GTF2F2: variants seen among roughly 807,000 people sequenced by gnomAD.
The protein encoded by GTF2F2 is ATP-dependent helicase GTF2F2.
In GTF2F2, 23 loss-of-function variants were observed where a neutral mutation model predicts 42.2. That is an observed-to-expected ratio of 0.55 (90% CI 0.39 to 0.77). GTF2F2 has a LOEUF of 0.77. Among genes scored for constraint, GTF2F2 ranks in the 30% least tolerant of loss-of-function variants. GTF2F2 has a pLI of 0.00. For missense variants in GTF2F2, 261 were observed against 287.2 expected (o/e 0.91, Z 0.66); for synonymous variants, 105 against 100.8 (o/e 1.04, Z -0.25).
chr13:45,245,976 T>C (rs1369041851), intron 5 of GTF2F2, among the ~76,000 whole-genome samples: 1 of 146,636 alleles, frequency 6.8e-6, no homozygotes, highest in African/African-American at 2.5e-5. Context: ...TTTCACCACA[T>C]CCACGCCAAC....
chr13:45,212,195 A>C (rs1441350809), intron 5 of GTF2F2, among the ~76,000 whole-genome samples: 1 of 152,216 alleles, frequency 6.6e-6, no homozygotes, highest in Non-Finnish European at 1.5e-5. Context: ...GATTTTTCAT[A>C]AACATGCTCA....
At chr13:45,169,298 G>A (rs1473502896) in intron 4 of GTF2F2, among the ~76,000 whole-genome samples, 5 of 152,148 alleles carry the variant, frequency 3.3e-5, no homozygotes, top group Non-Finnish European at 7.3e-5. Context: ...AGGAAATTTG[G>A]ACACTCAGGA....
chr13:45,183,502 G>A (rs1448441086), intron 4 of GTF2F2, among the ~76,000 whole-genome samples: 3 of 152,110 alleles, frequency 2.0e-5, no homozygotes, highest in Non-Finnish European at 4.4e-5. Context: ...TTAATTCTTT[G>A]CAGGAGCATA....
chr13:45,127,093 G>T (rs918955029), intron 1 of GTF2F2, among the ~76,000 whole-genome samples: 1 of 152,088 alleles, frequency 6.6e-6, no homozygotes, highest in African/African-American at 2.4e-5. Flanking sequence ...TAATAGGCCG[G>T]GACTTCTGGG....
rs748355143 is a variant in GTF2F2 at position 45,272,922 on chromosome 13, A to ATTT, written c.630+5566_630+5568dup. Among the ~76,000 whole-genome samples, 325 of 96,300 alleles carry ATTT rather than the reference A, an allele frequency of 3.4e-3. 20 individuals carry two copies. The highest frequency in any genetic ancestry group is 0.015 in the African/African-American group (289 of 19,752). The allele number at this position is 96,300 out of a possible 152,430, so 63.2% of individuals were successfully genotyped here. A position where few individuals can be genotyped will look rare whatever the true frequency, so the allele number is the denominator to read the frequency against. ...AGGCATGCCCCACCACACCTGGCTA[A>ATTT]TTTTTTTTTTTTTTTTTTTTTTGAG... On this transcript the variant is annotated intron_variant, in intron 7 of 7. Transcript: ENST00000340473.
At chr13:45,168,538 T>C (rs192815336) in intron 4 of GTF2F2, among the ~76,000 whole-genome samples, 4 of 152,358 alleles carry the variant, frequency 2.6e-5, no homozygotes, top group Admixed American at 2.0e-4. Context: ...TCTACACTAA[T>C]CATTTTATAG....
At chr13:45,240,975 CAAAAAAA>C (rs1210038157) in intron 5 of GTF2F2, among the ~76,000 whole-genome samples, 1 of 106,474 alleles carries the variant, frequency 9.4e-6, no homozygotes, top group Non-Finnish European at 2.0e-5. Context: ...CCTGTTATTA[CAAAAAAA>C]AAAAAAAAAA....
At chr13:45,227,077 G>A (rs928215204) in intron 5 of GTF2F2, among the ~76,000 whole-genome samples, 1 of 152,166 alleles carries the variant, frequency 6.6e-6, no homozygotes, top group Non-Finnish European at 1.5e-5. Flanking sequence ...TCCAGCCTGG[G>A]CAACAGAGTG....
In GTF2F2 at chr13:45,228,431, C is replaced by T. The variant is rs1874483356; in HGVS notation, c.386+20926C>T. On this transcript the variant is annotated intron_variant, in intron 5 of 7. Transcript: ENST00000340473. Reference sequence around the variant, plus strand: ...TCTATCTTGCCCACCCCTCCAGTAGCTTGTAGCTTTTTCCTTTTCATTTCT... The same window carrying T: ...TCTATCTTGCCCACCCCTCCAGTAGTTTGTAGCTTTTTCCTTTTCATTTCT... Among the ~76,000 whole-genome samples the T allele has an allele frequency of 4.0e-5, 6 of 149,256 alleles. No homozygotes were observed. In the South Asian group the frequency reaches 1.3e-3, roughly 32 times the overall value.
Position 45,154,844 on chromosome 13 carries a change from G to T in GTF2F2, c.304+3013G>T, listed in dbSNP as rs114233425. ...GCATGCATTTTAGCTCAATCTGGATGTATATCACTTGGTAAAATTCAGCCA... is the reference window on the plus strand; with the variant it reads ...GCATGCATTTTAGCTCAATCTGGATTTATATCACTTGGTAAAATTCAGCCA... On this transcript the variant is annotated intron_variant, in intron 4 of 7. Transcript: ENST00000340473. 5.0e-3 allele frequency among the ~76,000 whole-genome samples: 759 copies of T among 152,250 alleles called. 8 individuals are homozygous for T. Among genetic ancestry groups the T allele is most frequent in the African/African-American group, 0.017 (702 of 41,534 alleles).
rs1877380121 is a variant in GTF2F2, at chr13:45,284,270, C to T, written c.*709C>T. The T allele has an allele frequency of 6.6e-6, 1 of 152,112 alleles. No individual in the cohort carries two copies. The highest frequency in any genetic ancestry group is 2.4e-5 in the African/African-American group (1 of 41,430). 9.4% of individuals were successfully genotyped at this position (152,112 alleles called of 1,614,324 possible). On this transcript the variant is annotated 3_prime_UTR_variant, in exon 8 of 8. Transcript: ENST00000340473. ...TCTCCCCCAGTCAGATTATAAGCTT[C>T]TCAAAACTGGCTTGCCCCCAGAATT...
chr13:45,263,900 CTT>C, intron 6 of GTF2F2: 1 of 194,748 alleles, frequency 5.1e-6, no homozygotes, highest in East Asian at 1.2e-4. Flanking sequence ...AGGCTGGTAT[CTT>C]TCAGAGTGCA....
chr13:45,267,396 GA>G lies in GTF2F2; in HGVS notation c.630+21del. The G allele has an allele frequency of 6.6e-7, 1 of 1,513,270 alleles. No individual in the cohort carries two copies. Among genetic ancestry groups the G allele is most frequent in the South Asian group, 1.2e-5 (1 of 81,754 alleles). The allele number at this position is 1,513,270 out of a possible 1,614,324, so 93.7% of individuals were successfully genotyped here. ...CCTGTGGTATGTATATGTTCATACT[GA>G]TCCTTTGAATATGCCCTCCTTCATT... On this transcript the variant is annotated intron_variant, in intron 7 of 7. Coordinates refer to ENST00000340473, the MANE Select transcript of GTF2F2 (RefSeq NM_004128.3).
Position 45,284,424 on chromosome 13 carries a change from GC to G in GTF2F2, c.*864del, listed in dbSNP as rs1877384674. 6.6e-6 allele frequency: 1 copy of G among 151,912 alleles called. No homozygotes were observed. Among genetic ancestry groups the G allele is most frequent in the Admixed American group, 6.6e-5 (1 of 15,232 alleles). The allele number at this position is 151,912 out of a possible 1,614,324, so 9.4% of individuals were successfully genotyped here. ...TCAATTCCTGGGGCATTAAAATGTTGCTTTTCTCTTTCTCTTTAATTAATTT... is the reference window on the plus strand; with the variant it reads ...TCAATTCCTGGGGCATTAAAATGTTGTTTTCTCTTTCTCTTTAATTAATTT... On this transcript the variant is annotated 3_prime_UTR_variant, in exon 8 of 8. Coordinates refer to ENST00000340473, the MANE Select transcript of GTF2F2 (RefSeq NM_004128.3).
At chr13:45,177,761 T>C (rs1301622247) in intron 4 of GTF2F2, among the ~76,000 whole-genome samples, 1 of 152,178 alleles carries the variant, frequency 6.6e-6, no homozygotes, top group Non-Finnish European at 1.5e-5. Flanking sequence ...TTGAGGTTGC[T>C]AAGATCTACG....
chr13:45,167,842 C>T (rs780833605), intron 4 of GTF2F2, among the ~76,000 whole-genome samples: 4 of 152,166 alleles, frequency 2.6e-5, no homozygotes, highest in East Asian at 1.9e-4. Context: ...TGAGCCACCA[C>T]GCCCAGCCTC....
intron 7 of GTF2F2, among the ~76,000 whole-genome samples, chr13:45,274,417 C>A (rs754190965): frequency 1.3e-5 from 2 of 150,104 alleles, no homozygotes; most frequent in African/African-American, 4.9e-5. Flanking sequence ...ACGTCCGCCT[C>A]CCAGGTTCAG....
intron 4 of GTF2F2, among the ~76,000 whole-genome samples, chr13:45,185,350 A>G (rs1286112609): frequency 6.6e-6 from 1 of 151,690 alleles, no homozygotes; most frequent in African/African-American, 2.4e-5. Flanking sequence ...CCACTTTTCA[A>G]GGTAGCTGAA....
intron 5 of GTF2F2, among the ~76,000 whole-genome samples, chr13:45,225,476 C>T (rs1185069041): frequency 6.6e-6 from 1 of 151,692 alleles, no homozygotes; most frequent in Non-Finnish European, 1.5e-5. Flanking sequence ...GTTGGCCGGG[C>T]ATCATGGCAG....
Sources: allele counts gnomAD v4.1 joint callset (sites outside exome capture counted in the v4.1 genomes callset), GRCh38; gene constraint gnomAD v4.1.1; transcripts MANE v1.5; gene names NCBI Gene and HGNC (gene_info 2026-07-23, HGNC 2026-07-21).